Variants in CLEC16A observed in about 807,000 individuals in gnomAD.
The protein encoded by CLEC16A is protein CLEC16A.
Under a neutral mutation model 109.5 loss-of-function variants are expected in CLEC16A, and 51 were observed. The observed-to-expected ratio is 0.47, with a 90% CI of 0.37 to 0.59. CLEC16A has a LOEUF of 0.59. Ranked by LOEUF, CLEC16A falls within the 20% of genes least tolerant of loss-of-function variation. CLEC16A has a pLI of 0.00. For missense variants in CLEC16A, 1,339 were observed against 1,394.0 expected (o/e 0.96, Z 0.63); for synonymous variants, 673 against 564.2 (o/e 1.19, Z -2.73).
At chr16:11,144,002 C>A (rs1220343322) in intron 22 of CLEC16A, among the ~76,000 whole-genome samples, 1 of 152,120 alleles carries the variant, frequency 6.6e-6, no homozygotes, top group Non-Finnish European at 1.5e-5. Flanking sequence ...GGATCAGAAC[C>A]CCATAATTAT....
At chr16:11,116,330 G>C (rs955006542) in intron 19 of CLEC16A, among the ~76,000 whole-genome samples, 4 of 152,122 alleles carry the variant, frequency 2.6e-5, no homozygotes, top group Non-Finnish European at 5.9e-5. Flanking sequence ...AGGAGGCAGA[G>C]GTTGCAGTGA....
intron 17 of CLEC16A, chr16:11,048,141 G>A (rs963154455): frequency 3.3e-5 from 5 of 152,452 alleles, no homozygotes; most frequent in East Asian, 3.9e-4. Context: ...AAGTCTGCCC[G>A]GCCGGTGAGT....
chr16:11,073,105 A>G (rs1042822330), intron 19 of CLEC16A, among the ~76,000 whole-genome samples: 3 of 152,182 alleles, frequency 2.0e-5, no homozygotes, highest in African/African-American at 7.2e-5. Flanking sequence ...GAAGTGGACT[A>G]ATGTTAACAT....
chr16:11,004,148 G>A (rs964131942), intron 11 of CLEC16A, among the ~76,000 whole-genome samples: 3 of 151,988 alleles, frequency 2.0e-5, no homozygotes, highest in Non-Finnish European at 4.4e-5. Flanking sequence ...TGCCCTTTTT[G>A]GGAATTCTGG....
rs2068942513 is a variant in CLEC16A, at chr16:11,181,136, A to G, written c.*2446A>G. 6.6e-6 allele frequency: 1 copy of G among 152,248 alleles called. No homozygotes were observed. The highest frequency in any genetic ancestry group is 1.5e-5 in the Non-Finnish European group (1 of 68,106). The allele number at this position is 152,248 out of a possible 1,614,324, so 9.4% of individuals were successfully genotyped here. A position where few individuals can be genotyped will look rare whatever the true frequency, so the allele number is the denominator to read the frequency against. Reference sequence around the variant, plus strand: ...TGTAAGGAGGTCTGGGAGCCAGCCCATTGGAGGCCACCAGCCATTTTGGCT... The same window carrying G: ...TGTAAGGAGGTCTGGGAGCCAGCCCGTTGGAGGCCACCAGCCATTTTGGCT... On this transcript the variant is annotated 3_prime_UTR_variant, in exon 24 of 24. Coordinates refer to ENST00000409790, the MANE Select transcript of CLEC16A (RefSeq NM_015226.3).
intron 10 of CLEC16A, among the ~76,000 whole-genome samples, chr16:10,992,289 C>G (rs1232170176): frequency 1.4e-4 from 22 of 151,974 alleles, no homozygotes; most frequent in Admixed American, 1.4e-3. Flanking sequence ...ATCCCTGCAT[C>G]CCCTCCCTGC....
intron 10 of CLEC16A, among the ~76,000 whole-genome samples, chr16:10,985,579 G>A (rs1192458368): frequency 2.6e-5 from 4 of 151,016 alleles, no homozygotes. Flanking sequence ...TGATTTCCAA[G>A]CCTGAGGATA....
rs141936989 is a variant in CLEC16A at position 11,149,570 on chromosome 16, T to C, written c.2642-16818T>C. ...ACTTTGGGAGGCTGAGGCAGGCAGA[T>C]TGCCTGAGCTCAAGAGTTCAAGACC... On this transcript the variant is annotated intron_variant, in intron 22 of 23. Coordinates refer to ENST00000409790, the MANE Select transcript of CLEC16A (RefSeq NM_015226.3). Among the ~76,000 whole-genome samples, 60 of 152,180 alleles carry C rather than the reference T, an allele frequency of 3.9e-4. No homozygotes were observed. The East Asian group carries it at 5.0e-3, about 13-fold the overall frequency.
Position 10,973,042 on chromosome 16 carries a change from T to G in CLEC16A, c.709T>G (p.Cys237Gly). The change falls in exon 7 of 24, where the codon TGC (cysteine) becomes GGC (glycine). Residue 237 changes from cysteine (C) to glycine (G), a missense_variant. Cys to Gly is a radical substitution (Grantham distance 159). This residue lies in a region of CLEC16A where 161 missense variants were observed against 267.1 expected (regional missense o/e 0.60). Transcript: ENST00000409790. Reference sequence around the variant, plus strand: ...GAGCCATGTGATCGAACTCGATGACTGCGTGCAGACTGATGAGGAGTAAGT... The same window carrying G: ...GAGCCATGTGATCGAACTCGATGACGGCGTGCAGACTGATGAGGAGTAAGT... Reference protein sequence around the residue: ...IGSHVIELDDCVQTDEEHRNR... With the variant: ...IGSHVIELDDGVQTDEEHRNR... 6.2e-7 allele frequency: 1 copy of G among 1,607,952 alleles called. No individual in the cohort carries two copies. Among genetic ancestry groups the G allele is most frequent in the Non-Finnish European group, 8.5e-7 (1 of 1,176,868 alleles).
chr16:11,118,772 C>G (rs1028732887), intron 19 of CLEC16A, among the ~76,000 whole-genome samples: 1 of 152,150 alleles, frequency 6.6e-6, no homozygotes, highest in Non-Finnish European at 1.5e-5. Context: ...AGTTCTGGGT[C>G]TTACATTTAA....
At chr16:11,128,342 C>G (rs868049287) in intron 22 of CLEC16A, among the ~76,000 whole-genome samples, 5 of 152,212 alleles carry the variant, frequency 3.3e-5, no homozygotes, top group South Asian at 2.1e-4. Context: ...CATCAAATGC[C>G]AGGAGTGTGG....
rs552939732 is a variant in CLEC16A at position 11,116,707 on chromosome 16, A to G, written c.2117-3908A>G. ...AAGGAGAGGGGGGAAATCCTTGGAG[A>G]ATGCATGAGCCCAGTTTGTTATCGT... On this transcript the variant is annotated intron_variant, in intron 19 of 23. Transcript: ENST00000409790. Among the ~76,000 whole-genome samples the G allele has an allele frequency of 3.9e-5, 6 of 152,306 alleles. No homozygotes were observed. In the South Asian group the frequency reaches 1.2e-3, roughly 32 times the overall value.
intron 11 of CLEC16A, among the ~76,000 whole-genome samples, chr16:11,013,862 T>G (rs531651353): frequency 6.6e-6 from 1 of 151,578 alleles, no homozygotes; most frequent in Non-Finnish European, 1.5e-5. Context: ...TTGCTTGAAC[T>G]TGGGAGGCAG....
intron 22 of CLEC16A, among the ~76,000 whole-genome samples, chr16:11,127,235 C>G (rs1056576897): frequency 1.3e-5 from 2 of 152,122 alleles, no homozygotes; most frequent in Non-Finnish European, 2.9e-5. Flanking sequence ...CTACTTCTTC[C>G]TTAATAGAAA....
At chr16:11,099,107 C>T (rs1275637163) in intron 19 of CLEC16A, among the ~76,000 whole-genome samples, 2 of 152,160 alleles carry the variant, frequency 1.3e-5, no homozygotes. Flanking sequence ...CTGAGTGAGC[C>T]AAGAGTGCAT....
Position 10,954,562 on chromosome 16 carries a change from T to G in CLEC16A, c.81-3220T>G, listed in dbSNP as rs1181801156. Among the ~76,000 whole-genome samples, 1 of 152,222 alleles carries G rather than the reference T, an allele frequency of 6.6e-6. No homozygotes were observed. Among genetic ancestry groups the G allele is most frequent in the African/African-American group, 2.4e-5 (1 of 41,446 alleles). On this transcript the variant is annotated intron_variant, in intron 1 of 23. Coordinates refer to ENST00000409790, the MANE Select transcript of CLEC16A (RefSeq NM_015226.3). This position sits in a 1 kb window ranked among gnomAD's most constrained non-coding sequence, Gnocchi z 4.2. ...TACTAAAGTATTCAGGTACCATTGCTGTTTACATTTTACTGGTGAGACAAC... is the reference window on the plus strand; with the variant it reads ...TACTAAAGTATTCAGGTACCATTGCGGTTTACATTTTACTGGTGAGACAAC...
chr16:11,125,586 A>T (rs1483885390), intron 21 of CLEC16A, among the ~76,000 whole-genome samples: 1 of 152,218 alleles, frequency 6.6e-6, no homozygotes, highest in Non-Finnish European at 1.5e-5. Flanking sequence ...ATACACACGT[A>T]TACGTGTGAA....
chr16:11,031,191 TG>T (rs978415175), intron 13 of CLEC16A, among the ~76,000 whole-genome samples: 4 of 152,220 alleles, frequency 2.6e-5, no homozygotes, highest in Non-Finnish European at 4.4e-5. Flanking sequence ...GTTTGCTGAT[TG>T]GTTGCTGCTC....
chr16:11,031,145 G>C (rs532034393), intron 13 of CLEC16A, among the ~76,000 whole-genome samples: 1 of 152,336 alleles, frequency 6.6e-6, no homozygotes, highest in African/African-American at 2.4e-5. Flanking sequence ...GCAGTACCCA[G>C]CCTACCGCCT....
Sources: gnomAD v4.1 joint callset for allele counts (sites outside exome capture counted in the v4.1 genomes callset) on GRCh38, gnomAD v4.1.1 for gene constraint, gnomAD v4.1.1 regional missense constraint, Gnocchi (gnomAD v3.1) non-coding constraint, MANE v1.5 for transcripts, NCBI Gene and HGNC (gene_info 2026-07-23, HGNC 2026-07-21) for gene names.